Variants in FRYL observed in about 807,000 individuals in gnomAD.
The protein encoded by FRYL is FRY like transcription coactivator.
A neutral mutation model predicts 351.2 loss-of-function variants in FRYL; 150 were observed. The observed-to-expected ratio is 0.43, with a 90% CI of 0.37 to 0.49. The LOEUF (loss-of-function observed/expected upper bound fraction) is 0.49. FRYL is among the 20% of genes least tolerant of loss of function. The probability of loss-of-function intolerance (pLI) is 0.00; values close to 1 mark genes in which losing one functional copy is unlikely to be tolerated. For synonymous variants in FRYL, 1,153 were observed against 1,257.1 expected, an observed-to-expected ratio of 0.92 and a Z score of 1.75; for missense variants, 3,036 against 3,619.3, an observed-to-expected ratio of 0.84 and a Z score of 4.13.
At chr4:48,716,365 C>A (rs1251549149) in intron 1 of FRYL, among the ~76,000 whole-genome samples, 1 of 151,396 alleles carries the variant, frequency 6.6e-6, no homozygotes, top group Non-Finnish European at 1.5e-5. Flanking sequence ...AAAATTTTCG[C>A]AACCTACTCA....
Position 48,499,501 on chromosome 4 carries a change from T to G in FRYL, c.8963A>C (p.Glu2988Ala). 6.2e-7 allele frequency: 1 copy of G among 1,613,970 alleles called. No homozygotes were observed. Among genetic ancestry groups the G allele is most frequent in the Non-Finnish European group, 8.5e-7 (1 of 1,179,844 alleles). ...KLMELNLEIRESLRMVQSYQL... is the reference protein window; with the variant it reads ...KLMELNLEIRASLRMVQSYQL... ...GTATGATTGCACCATGCGTAGAGAC[T>G]CTCTTATTTCCAGATTAAGTTCCAT... is the stretch of plus-strand genomic sequence containing the variant. Residue 2988 changes from glutamate (E) to alanine (A), a missense_variant, in exon 64 of 64, where the codon GAG becomes GCG. Transcript: ENST00000358350.
At position 48,571,569 on chromosome 4, in the gene FRYL, A is replaced by G. The variant is rs544887801; in HGVS notation, c.2905-651T>C. The G allele has an allele frequency of 3.3e-4, 251 of 764,560 alleles. 2 individuals carry two copies. In the South Asian group the frequency reaches 0.014, roughly 41 times the overall value. The allele number at this position is 764,560 out of a possible 1,614,324, so 47.4% of individuals were successfully genotyped here. A position where few individuals can be genotyped will look rare whatever the true frequency, so the allele number is the denominator to read the frequency against. On this transcript the variant is annotated intron_variant, in intron 26 of 63. Coordinates refer to ENST00000358350, the MANE Select transcript of FRYL (RefSeq NM_015030.2). Reference sequence around the variant, plus strand: ...TTATTTCATTTGTGATGTAATTTTCATATTACAGAGCAAATTAAAACCATA... The same window carrying G: ...TTATTTCATTTGTGATGTAATTTTCGTATTACAGAGCAAATTAAAACCATA...
intron 3 of FRYL, among the ~76,000 whole-genome samples, chr4:48,638,744 T>C (rs1754751455): frequency 6.6e-6 from 1 of 152,152 alleles, no homozygotes; most frequent in Non-Finnish European, 1.5e-5. Context: ...AAAGAAAATG[T>C]GGCACACATA....
At chr4:48,609,094 C>T (rs1264738694) in intron 8 of FRYL, 27 bp from the exon 9 acceptor site, 1 of 1,400,580 alleles carries the variant, frequency 7.1e-7, no homozygotes, top group South Asian at 1.2e-5. Context: ...ACAAACATAA[C>T]ATTTCATTAA....
chr4:48,764,216 GA>G (rs1433089635), intron 1 of FRYL, among the ~76,000 whole-genome samples: 2 of 151,982 alleles, frequency 1.3e-5, no homozygotes, highest in African/African-American at 4.8e-5. Context: ...TAAGTTGCAA[GA>G]TACAAAATCA....
intron 1 of FRYL, among the ~76,000 whole-genome samples, chr4:48,768,505 A>T (rs1775185435): frequency 6.6e-6 from 1 of 152,172 alleles, no homozygotes; most frequent in Non-Finnish European, 1.5e-5. Context: ...CATAGACTTG[A>T]CACAAAAAGT....
At chr4:48,624,785 G>C (rs1450602425) in intron 4 of FRYL, among the ~76,000 whole-genome samples, 2 of 152,228 alleles carry the variant, frequency 1.3e-5, no homozygotes, top group Non-Finnish European at 2.9e-5. Context: ...TCAGGAGCCT[G>C]AGTAAAGCAG....
intron 2 of FRYL, among the ~76,000 whole-genome samples, chr4:48,685,393 T>C (rs1022457176): frequency 2.0e-5 from 3 of 152,204 alleles, no homozygotes; most frequent in African/African-American, 4.8e-5. Flanking sequence ...TCTATAGTTT[T>C]TCTCCTCCCT....
intron 2 of FRYL, among the ~76,000 whole-genome samples, chr4:48,688,658 A>ATTTTT (rs11355390): frequency 6.9e-5 from 6 of 86,430 alleles, no homozygotes; most frequent in Admixed American, 1.5e-4. Context: ...CTCTTAGTCA[A>ATTTTT]TTTTTTTTTT....
intron 35 of FRYL, 67 bp from the exon 36 acceptor site, chr4:48,553,450 C>A (rs1405717014): frequency 3.6e-6 from 4 of 1,109,278 alleles, no homozygotes; most frequent in Non-Finnish European, 5.3e-6. Context: ...TCTCCTGAGA[C>A]AAACTTTATC....
chr4:48,732,792 G>A (rs1413677682), intron 1 of FRYL, among the ~76,000 whole-genome samples: 1 of 151,614 alleles, frequency 6.6e-6, no homozygotes, highest in East Asian at 1.9e-4. Context: ...GGGGGCTAGG[G>A]GAGGGATAAC....
At chr4:48,656,256 T>C (rs1331582371) in intron 3 of FRYL, among the ~76,000 whole-genome samples, 1 of 117,814 alleles carries the variant, frequency 8.5e-6, no homozygotes, top group South Asian at 2.7e-4. Flanking sequence ...TGAATATATA[T>C]TTGAATATAC....
chr4:48,700,227 A>G (rs1377961178), intron 2 of FRYL, among the ~76,000 whole-genome samples: 2 of 152,174 alleles, frequency 1.3e-5, no homozygotes, highest in East Asian at 1.9e-4. Flanking sequence ...TTTTTTTAAT[A>G]TATCAGGCTT....
At position 48,557,121 on chromosome 4, in the gene FRYL, AG is replaced by A. The variant is rs779161058; in HGVS notation, c.4126-4del. On this transcript the variant is annotated splice_region_variant and splice_polypyrimidine_tract_variant and intron_variant, in intron 34 of 63. Transcript: ENST00000358350. The stretch of plus-strand genomic sequence containing the variant: ...GACCAGGCCAGTTCATCGCCATACT[AG>A]ATGCAATATGCACAAAAGATACTTC... 3 of 1,578,624 alleles carry A rather than the reference AG, an allele frequency of 1.9e-6. No individual in the cohort carries two copies. In the East Asian group the frequency reaches 6.8e-5, roughly 36 times the overall value.
At chr4:48,631,091 A>C (rs771216112) in intron 4 of FRYL, among the ~76,000 whole-genome samples, 1 of 152,218 alleles carries the variant, frequency 6.6e-6, no homozygotes, top group Non-Finnish European at 1.5e-5. Context: ...ACTTACCCAG[A>C]CTTGGACATA....
At chr4:48,697,996 C>G (rs1766362637) in intron 2 of FRYL, among the ~76,000 whole-genome samples, 1 of 152,180 alleles carries the variant, frequency 6.6e-6, no homozygotes, top group Admixed American at 6.5e-5. Context: ...CTGCATTTAA[C>G]ATTTACTGGG....
chr4:48,608,248 A>T (rs960035253), intron 9 of FRYL, among the ~76,000 whole-genome samples: 17 of 152,238 alleles, frequency 1.1e-4, no homozygotes, highest in African/African-American at 2.4e-5. Context: ...CTACTTAAAC[A>T]TTAACAATAA....
intron 55 of FRYL, among the ~76,000 whole-genome samples, chr4:48,517,068 C>T (rs1181322918): frequency 6.6e-6 from 1 of 152,158 alleles, no homozygotes; most frequent in Admixed American, 6.5e-5. Context: ...GTCTTTACTT[C>T]AGCATTAAAT....
At chr4:48,663,742 T>G (rs1027397592) in intron 3 of FRYL, among the ~76,000 whole-genome samples, 4 of 123,248 alleles carry the variant, frequency 3.2e-5, no homozygotes, top group African/African-American at 9.3e-5. Context: ...GCCACTGCAC[T>G]GCAGCCTGGG....
Sources: gnomAD v4.1 joint callset for allele counts (sites outside exome capture counted in the v4.1 genomes callset) on GRCh38, gnomAD v4.1.1 for gene constraint, MANE v1.5 for transcripts, NCBI Gene and HGNC (gene_info 2026-07-23, HGNC 2026-07-21) for gene names.